Variants in NUP93 observed in about 807,000 individuals in gnomAD.
NUP93 encodes the protein nucleoporin 93.
A neutral mutation model predicts 107.8 loss-of-function variants in NUP93; 55 were observed. That is an observed-to-expected ratio of 0.51 (90% CI 0.41 to 0.64). NUP93 has a LOEUF of 0.64. Among genes scored for constraint, NUP93 ranks in the 30% least tolerant of loss-of-function variants. The pLI is 0.00. For synonymous variants in NUP93, 390 were observed against 397.5 expected (o/e 0.98, Z 0.22); for missense variants, 937 against 1,044.7 (o/e 0.90, Z 1.42).
At chr16:56,763,885 G>A (rs1467528546) in intron 3 of NUP93, among the ~76,000 whole-genome samples, 1 of 152,000 alleles carries the variant, frequency 6.6e-6, no homozygotes, top group African/African-American at 2.4e-5. Context: ...CTGTTCTGAA[G>A]GTCTTCATAA....
intron 8 of NUP93, 47 bp from the exon 9 acceptor site, chr16:56,828,930 A>G (rs371343053): frequency 6.3e-6 from 10 of 1,595,364 alleles, no homozygotes; most frequent in Non-Finnish European, 7.7e-6. Flanking sequence ...GAGATGTGTA[A>G]TAAATGTTTT....
At chr16:56,735,709 T>C (rs537602952) in intron 1 of NUP93, among the ~76,000 whole-genome samples, 18 of 152,016 alleles carry the variant, frequency 1.2e-4, no homozygotes, top group African/African-American at 3.9e-4. Context: ...GTGCCTGTTA[T>C]CCCAGTTACT....
intron 17 of NUP93, among the ~76,000 whole-genome samples, chr16:56,837,192 A>G (rs924494049): frequency 2.0e-5 from 3 of 152,210 alleles, no homozygotes; most frequent in African/African-American, 4.8e-5. Context: ...GACTAAGAAC[A>G]TATGATAACT....
chr16:56,815,917 G>GTGCTGCTGCTGCTGCTGCTGC (rs1362561971), intron 5 of NUP93, among the ~76,000 whole-genome samples: 2 of 129,302 alleles, frequency 1.5e-5, no homozygotes, highest in Non-Finnish European at 3.4e-5. Context: ...GCTGCTGCTG[G>GTGCTGCTGCTGCTGCTGCTGC]TGCTGCTGCT....
At chr16:56,789,799 G>A (rs147429359) in intron 3 of NUP93, among the ~76,000 whole-genome samples, 1 of 152,204 alleles carries the variant, frequency 6.6e-6, no homozygotes. Flanking sequence ...TAAAATTTTT[G>A]TAGAAAACAA....
intron 5 of NUP93, among the ~76,000 whole-genome samples, chr16:56,816,369 TATATTTCTC>T (rs766126192): frequency 2.6e-5 from 4 of 152,300 alleles, no homozygotes; most frequent in Non-Finnish European, 5.9e-5. Flanking sequence ...AATAGGGGTA[TATATTTCTC>T]ACCTACCAAG....
In NUP93 at chr16:56,848,899, G is replaced by A. The variant is rs77781838; in HGVS notation, c.*4290G>A. The A allele has an allele frequency of 1.5e-4, 23 of 151,704 alleles. No homozygotes were observed. In the East Asian group the frequency reaches 2.1e-3, roughly 14 times the overall value. 9.4% of individuals were successfully genotyped at this position (151,704 alleles called of 1,614,324 possible). A position where few individuals can be genotyped will look rare whatever the true frequency, so the allele number is the denominator to read the frequency against. ...GTAGGCTCGTTTTTTTCGTTTTTTT[G>A]TCCAGGATCACCTAAGTGAAGTACT... On this transcript the variant is annotated 3_prime_UTR_variant, in exon 22 of 22. Transcript: ENST00000308159.
At chr16:56,751,523 A>G (rs1652537363) in intron 2 of NUP93, among the ~76,000 whole-genome samples, 1 of 152,248 alleles carries the variant, frequency 6.6e-6, no homozygotes, top group Non-Finnish European at 1.5e-5. Context: ...CTTAGTAGGA[A>G]TTCCTCATAT....
At position 56,845,176 on chromosome 16, in the gene NUP93, T is replaced by G. The variant is rs546973374; in HGVS notation, c.*567T>G. The G allele has an allele frequency of 1.1e-5, 2 of 177,288 alleles. No individual in the cohort carries two copies. The highest frequency in any genetic ancestry group is 1.3e-4 in the Admixed American group (2 of 15,868). The allele number at this position is 177,288 out of a possible 1,614,324, so 11.0% of individuals were successfully genotyped here. On this transcript the variant is annotated 3_prime_UTR_variant, in exon 22 of 22. Coordinates refer to ENST00000308159, the MANE Select transcript of NUP93 (RefSeq NM_014669.5). ...TCATCAGCTCTGATTGCAGGATTCA[T>G]CAGTTTGCCGTTCTGTTGCAATCCC...
intron 7 of NUP93, 54 bp downstream of exon 7, chr16:56,821,647 C>A: frequency 8.5e-7 from 1 of 1,179,836 alleles, no homozygotes; most frequent in Non-Finnish European, 1.3e-6. Flanking sequence ...TCCGATGGGC[C>A]TAGCAACTTG....
intron 3 of NUP93, among the ~76,000 whole-genome samples, chr16:56,765,000 T>C (rs1012814873): frequency 6.6e-6 from 1 of 152,164 alleles, no homozygotes; most frequent in East Asian, 1.9e-4. Context: ...TCCTTAAGAG[T>C]TGCATCTGTT....
At chr16:56,783,701 G>A in intron 3 of NUP93, 1 of 985,368 alleles carries the variant, frequency 1.0e-6, no homozygotes, top group Non-Finnish European at 1.2e-6. Context: ...TCATGGTCGA[G>A]GTGAGCTGTA....
At chr16:56,731,116 A>T (rs1961527576) in intron 1 of NUP93, among the ~76,000 whole-genome samples, 2 of 152,004 alleles carry the variant, frequency 1.3e-5, no homozygotes, top group South Asian at 4.1e-4. Context: ...TGGTGATTTC[A>T]TAGCATTAAA....
chr16:56,746,000 T>C (rs1206306102), intron 1 of NUP93, among the ~76,000 whole-genome samples: 1 of 152,228 alleles, frequency 6.6e-6, no homozygotes, highest in Admixed American at 6.5e-5. Context: ...TTTCTTCCTT[T>C]ATCTTTTTTT....
At chr16:56,842,210 A>G (rs1157477431) in intron 21 of NUP93, among the ~76,000 whole-genome samples, 6 of 152,214 alleles carry the variant, frequency 3.9e-5, no homozygotes, top group Non-Finnish European at 8.8e-5. Context: ...CAACACATTA[A>G]TGTGAACCCT....
At chr16:56,739,674 T>C (rs1474088437) in intron 1 of NUP93, among the ~76,000 whole-genome samples, 622 of 63,654 alleles carry the variant, frequency 9.8e-3, no homozygotes, top group Admixed American at 0.015. Context: ...GGCGGAGGGC[T>C]GACCCCCCCA....
rs546426628 is a variant in NUP93 at position 56,805,524 on chromosome 16, G to C, written c.381G>C (p.Glu127Asp). ...SRKRTFGMAE[E>D]YHRESMLVEW... ...GGCAGACCTTCGGCATGGCTGAGGA[G>C]TACCATCGGGAGTCAATGTTGGTTG... The change falls in exon 5 of 22, where the codon GAG (glutamate) becomes GAC (aspartate). Residue 127 changes from glutamate (E) to aspartate (D), a missense_variant. By Grantham distance (45) the Glu-to-Asp change is conservative. Coordinates refer to ENST00000308159, the MANE Select transcript of NUP93 (RefSeq NM_014669.5). 6.2e-7 allele frequency: 1 copy of C among 1,614,078 alleles called. No individual in the cohort carries two copies.
rs1354747835 is a variant in NUP93 at position 56,828,995 on chromosome 16, T to C, written c.813T>C (p.Leu271=). The C allele has an allele frequency of 2.5e-6, 4 of 1,613,612 alleles. No homozygotes were observed. In the South Asian group the frequency reaches 4.4e-5, roughly 18 times the overall value. The change falls in exon 9 of 22, where the codon CTT becomes CTC. Residue 271 remains leucine, a synonymous_variant. Transcript: ENST00000308159. ...TTTCCAGTTATAAGAATTACACCCTTGTGACTGTCTTTGGAAATTTGCATC... is the reference window on the plus strand; with the variant it reads ...TTTCCAGTTATAAGAATTACACCCTCGTGACTGTCTTTGGAAATTTGCATC... ...YLEQSYKNYT[L]VTVFGNLHQA...
chr16:56,770,775 C>G (rs1428509385), intron 3 of NUP93, among the ~76,000 whole-genome samples: 1 of 151,898 alleles, frequency 6.6e-6, no homozygotes, highest in African/African-American at 2.4e-5. Context: ...TAAAAGTGGC[C>G]CTCATAGGCC....
Sources: allele counts gnomAD v4.1 joint callset (sites outside exome capture counted in the v4.1 genomes callset), GRCh38; gene constraint gnomAD v4.1.1; transcripts MANE v1.5; gene names NCBI Gene and HGNC (gene_info 2026-07-23, HGNC 2026-07-21).